Variants in XKR4 observed in about 807,000 individuals in gnomAD.
The protein encoded by XKR4 is XK-related protein 4.
In XKR4, 12 loss-of-function variants were observed where a neutral mutation model predicts 53.9. The ratio of observed to expected loss-of-function variants is 0.22; its 90% CI spans 0.14 to 0.36. XKR4 has a LOEUF of 0.36. XKR4 is among the 10% of genes least tolerant of loss of function. The pLI is 1.00. For synonymous variants in XKR4, 354 were observed against 362.4 expected, an observed-to-expected ratio of 0.98 and a Z score of 0.26; for missense variants, 799 against 859.5, an observed-to-expected ratio of 0.93 and a Z score of 0.88.
At chr8:55,423,240 C>CA (rs2038974781) in intron 2 of XKR4, among the ~76,000 whole-genome samples, 1 of 151,986 alleles carries the variant, frequency 6.6e-6, no homozygotes, top group Non-Finnish European at 1.5e-5. Flanking sequence ...GGATTACAGG[C>CA]GCCTGCCACC....
In XKR4 at chr8:55,526,673, T is replaced by A. The variant is rs939334001; in HGVS notation, c.*2446T>A. On this transcript the variant is annotated 3_prime_UTR_variant, in exon 3 of 3. Transcript: ENST00000327381. ...CAGTTGAACTGTACCTTTGATTCTA[T>A]GAGTAAATCACAGATTACAGTCTAA... 6.6e-6 allele frequency: 1 copy of A among 152,228 alleles called. No homozygotes were observed. Among genetic ancestry groups the A allele is most frequent in the Non-Finnish European group, 1.5e-5 (1 of 68,038 alleles). The allele number at this position is 152,228 out of a possible 1,614,324, so 9.4% of individuals were successfully genotyped here. A position where few individuals can be genotyped will look rare whatever the true frequency, so the allele number is the denominator to read the frequency against.
chr8:55,150,955 C>A (rs1563469174), intron 1 of XKR4, among the ~76,000 whole-genome samples: 2 of 152,302 alleles, frequency 1.3e-5, no homozygotes, highest in African/African-American at 2.4e-5. Flanking sequence ...TTCCGTCTAA[C>A]CTTTTTAAGA....
At chr8:55,421,638 G>A (rs1426030733) in intron 2 of XKR4, among the ~76,000 whole-genome samples, 1 of 152,176 alleles carries the variant, frequency 6.6e-6, no homozygotes, top group Non-Finnish European at 1.5e-5. Flanking sequence ...CAAATTTAGG[G>A]TATAAGGACA....
rs1806990406 is a variant in XKR4, at chr8:55,533,933, T to G, written c.*9706T>G. The G allele has an allele frequency of 6.6e-6, 1 of 152,208 alleles. No individual in the cohort carries two copies. Among genetic ancestry groups the G allele is most frequent in the Non-Finnish European group, 1.5e-5 (1 of 68,046 alleles). 9.4% of individuals were successfully genotyped at this position (152,208 alleles called of 1,614,324 possible). A position where few individuals can be genotyped will look rare whatever the true frequency, so the allele number is the denominator to read the frequency against. On this transcript the variant is annotated 3_prime_UTR_variant, in exon 3 of 3. Transcript: ENST00000327381. ...AATATTCACCTGCTTCATTTGTTTT[T>G]TCCAGTAAACGCTGTTTTGAAAAAA...
intron 2 of XKR4, among the ~76,000 whole-genome samples, chr8:55,416,905 C>G (rs1368487387): frequency 6.6e-6 from 1 of 152,170 alleles, no homozygotes; most frequent in Non-Finnish European, 1.5e-5. Flanking sequence ...TCACTCTGTT[C>G]TTAAAACAAT....
At chr8:55,220,935 G>T (rs934719564) in intron 1 of XKR4, among the ~76,000 whole-genome samples, 1 of 152,198 alleles carries the variant, frequency 6.6e-6, no homozygotes, top group African/African-American at 2.4e-5. Context: ...CCACGTTCGT[G>T]GTAGATACTA....
chr8:55,318,238 A>C, intron 1 of XKR4, among the ~76,000 whole-genome samples: 1 of 152,224 alleles, frequency 6.6e-6, no homozygotes, highest in Admixed American at 6.5e-5. Context: ...CCATTTTATA[A>C]AAATCATGAC....
chr8:55,453,883 C>A (rs530666965), intron 2 of XKR4: 2 of 575,656 alleles, frequency 3.5e-6, no homozygotes, highest in Non-Finnish European at 6.7e-6. Context: ...AGTACGGGAC[C>A]CCACACTCCA....
At chr8:55,285,183 T>G (rs1818892391) in intron 1 of XKR4, among the ~76,000 whole-genome samples, 1 of 152,178 alleles carries the variant, frequency 6.6e-6, no homozygotes, top group Admixed American at 6.5e-5. Flanking sequence ...TCTAATTTTT[T>G]TAATGTCAGC....
At chr8:55,306,103 G>T (rs1217626189) in intron 1 of XKR4, among the ~76,000 whole-genome samples, 1 of 152,068 alleles carries the variant, frequency 6.6e-6, no homozygotes, top group East Asian at 1.9e-4. Context: ...TTTAAAGTGG[G>T]GTGTATTTAC....
At chr8:55,210,640 C>T (rs959452309) in intron 1 of XKR4, among the ~76,000 whole-genome samples, 1 of 152,136 alleles carries the variant, frequency 6.6e-6, no homozygotes, top group Admixed American at 6.5e-5. Context: ...TGGGGTGACA[C>T]CCAAGTTTTG....
chr8:55,436,273 C>A (rs1267339277), intron 2 of XKR4, among the ~76,000 whole-genome samples: 1 of 152,112 alleles, frequency 6.6e-6, no homozygotes, highest in African/African-American at 2.4e-5. Context: ...ATTTAGCCAA[C>A]CAAAATTTAA....
intron 2 of XKR4, among the ~76,000 whole-genome samples, chr8:55,514,269 T>G (rs1585614502): frequency 9.0e-6 from 1 of 111,312 alleles, no homozygotes; most frequent in Non-Finnish European, 2.1e-5. Context: ...TTTTTTTTTT[T>G]GAGAAGGAGT....
intron 2 of XKR4, among the ~76,000 whole-genome samples, chr8:55,378,856 A>T (rs1804189305): frequency 6.6e-6 from 1 of 152,240 alleles, no homozygotes; most frequent in Non-Finnish European, 1.5e-5. Context: ...AAATGGTCCC[A>T]ACACCCCCTT....
chr8:55,340,902 G>A (rs753331540), intron 1 of XKR4, among the ~76,000 whole-genome samples: 71 of 152,298 alleles, frequency 4.7e-4, no homozygotes, highest in Middle Eastern at 3.4e-3. Flanking sequence ...ATGTGTCACC[G>A]CGCAGAGATA....
intron 2 of XKR4, among the ~76,000 whole-genome samples, chr8:55,487,847 A>G (rs1038170918): frequency 4.6e-5 from 7 of 152,164 alleles, no homozygotes; most frequent in African/African-American, 1.7e-4. Context: ...ACCCCTACAC[A>G]TTGTCTTAAA....
At chr8:55,209,620 C>A (rs1817700463) in intron 1 of XKR4, among the ~76,000 whole-genome samples, 1 of 152,210 alleles carries the variant, frequency 6.6e-6, no homozygotes, top group Admixed American at 6.5e-5. Context: ...GGGAAGCCAA[C>A]TTTCTCAGGA....
intron 1 of XKR4, among the ~76,000 whole-genome samples, chr8:55,275,837 C>G (rs1818755925): frequency 6.6e-6 from 1 of 152,152 alleles, no homozygotes; most frequent in African/African-American, 2.4e-5. Context: ...GGCTTTTCCT[C>G]TGTCAGATTC....
rs113486643 is a variant in XKR4 at position 55,127,995 on chromosome 8, G to A, written c.806+24701G>A. 7.2e-5 allele frequency among the ~76,000 whole-genome samples: 11 copies of A among 152,156 alleles called. 1 individual carries two copies. The highest frequency in any genetic ancestry group is 2.4e-4 in the African/African-American group (10 of 41,502). Reference sequence around the variant, plus strand: ...CAGTCTATTATTGTTGGACATTTGGGTTGGTTCCAAGTCTTTGCTATTGTG... The same window carrying A: ...CAGTCTATTATTGTTGGACATTTGGATTGGTTCCAAGTCTTTGCTATTGTG... On this transcript the variant is annotated intron_variant, in intron 1 of 2. Coordinates refer to ENST00000327381, the MANE Select transcript of XKR4 (RefSeq NM_052898.2).
Sources: allele counts gnomAD v4.1 joint callset (sites outside exome capture counted in the v4.1 genomes callset), GRCh38; gene constraint gnomAD v4.1.1; transcripts MANE v1.5; gene names NCBI Gene and HGNC (gene_info 2026-07-23, HGNC 2026-07-21).